The following KCNIP4 variants were observed in gnomAD, a reference collection of about 807,000 sequenced individuals.
KCNIP4 encodes potassium voltage-gated channel interacting protein 4, also known as Kv channel-interacting protein 4.
KCNIP4 carries 12 observed loss-of-function variants against 34.0 expected under a neutral mutation model. That is an observed-to-expected ratio of 0.35 (90% CI 0.23 to 0.57). KCNIP4 has a LOEUF of 0.57. Among genes scored for constraint, KCNIP4 ranks in the 20% least tolerant of loss-of-function variants. KCNIP4 has a pLI of 0.83. For synonymous variants in KCNIP4, 124 were observed against 102.2 expected, an observed-to-expected ratio of 1.21 and a Z score of -1.29; for missense variants, 238 against 311.7, an observed-to-expected ratio of 0.76 and a Z score of 1.78.
chr4:21,289,741 T>G (rs1763324714), intron 1 of KCNIP4, among the ~76,000 whole-genome samples: 1 of 152,168 alleles, frequency 6.6e-6, no homozygotes, highest in African/African-American at 2.4e-5. Context: ...ATTAAATAAT[T>G]CTTACCTAGG....
chr4:20,802,529 C>G (rs1714461760), intron 3 of KCNIP4, among the ~76,000 whole-genome samples: 1 of 152,042 alleles, frequency 6.6e-6, no homozygotes, highest in Non-Finnish European at 1.5e-5. Context: ...ACAAAACTGT[C>G]CATCTAATAG....
At chr4:20,977,043 G>A (rs1735560166) in intron 1 of KCNIP4, among the ~76,000 whole-genome samples, 1 of 152,040 alleles carries the variant, frequency 6.6e-6, no homozygotes, top group African/African-American at 2.4e-5. Context: ...ATGTTGGTCA[G>A]GCTGGTCTCA....
At chr4:21,127,967 T>C (rs1750755135) in intron 1 of KCNIP4, among the ~76,000 whole-genome samples, 1 of 152,258 alleles carries the variant, frequency 6.6e-6, no homozygotes, top group African/African-American at 2.4e-5. Context: ...GAAGACATGC[T>C]AAAGCAGAAG....
chr4:21,413,104 C>T (rs1370215363), intron 1 of KCNIP4, among the ~76,000 whole-genome samples: 1 of 152,174 alleles, frequency 6.6e-6, no homozygotes, highest in Non-Finnish European at 1.5e-5. Context: ...ACAGAATTGG[C>T]AGGGGCCTCA....
chr4:21,261,942 T>A (rs1383857994), intron 1 of KCNIP4, among the ~76,000 whole-genome samples: 2 of 152,178 alleles, frequency 1.3e-5, no homozygotes, highest in African/African-American at 4.8e-5. Context: ...ATGCCTGAAA[T>A]TTTCAAATAG....
intron 5 of KCNIP4, among the ~76,000 whole-genome samples, chr4:20,737,105 A>G (rs958885376): frequency 6.6e-6 from 1 of 152,172 alleles, no homozygotes; most frequent in Non-Finnish European, 1.5e-5. Context: ...CACCATACTT[A>G]GTTTGCTTCC....
chr4:21,441,445 G>A (rs562711615), intron 1 of KCNIP4, among the ~76,000 whole-genome samples: 50 of 151,922 alleles, frequency 3.3e-4, no homozygotes, highest in African/African-American at 1.0e-3. Context: ...GCCCGGCCAC[G>A]ACACCTTTCT....
intron 1 of KCNIP4, among the ~76,000 whole-genome samples, chr4:20,914,809 C>T (rs543958439): frequency 3.9e-5 from 6 of 152,232 alleles, no homozygotes; most frequent in Non-Finnish European, 8.8e-5. Context: ...ACCAACGATC[C>T]GAACCCTAAT....
intron 1 of KCNIP4, among the ~76,000 whole-genome samples, chr4:20,954,020 C>T (rs959704104): frequency 1.3e-5 from 2 of 152,078 alleles, no homozygotes; most frequent in African/African-American, 4.8e-5. Flanking sequence ...ATAAAGGCAT[C>T]GTGCAAGAAT....
chr4:20,790,850 T>C (rs926476406), intron 3 of KCNIP4, among the ~76,000 whole-genome samples: 8 of 152,142 alleles, frequency 5.3e-5, no homozygotes, highest in African/African-American at 1.9e-4. Context: ...TAGGCAGAAT[T>C]TTCCAAGTGC....
At chr4:21,931,112 T>C (rs970813842) in intron 1 of KCNIP4, among the ~76,000 whole-genome samples, 1 of 152,130 alleles carries the variant, frequency 6.6e-6, no homozygotes, top group African/African-American at 2.4e-5. Context: ...TAACTAATCT[T>C]ACTGTGGTAG....
chr4:21,754,049 G>A (rs945387784), intron 1 of KCNIP4, among the ~76,000 whole-genome samples: 1 of 152,146 alleles, frequency 6.6e-6, no homozygotes, highest in Non-Finnish European at 1.5e-5. Flanking sequence ...GCCCTCCTTA[G>A]GGAGCTCGAA....
At chr4:21,223,492 C>A (rs73249509) in intron 1 of KCNIP4, among the ~76,000 whole-genome samples, 1 of 152,134 alleles carries the variant, frequency 6.6e-6, no homozygotes, top group South Asian at 2.1e-4. Context: ...GCATATGAAT[C>A]GTCTCAGCAG....
At chr4:21,676,563 C>T (rs1349823286) in intron 1 of KCNIP4, among the ~76,000 whole-genome samples, 1 of 152,158 alleles carries the variant, frequency 6.6e-6, no homozygotes. Flanking sequence ...GATTCTGTCA[C>T]CAGAAATATA....
intron 1 of KCNIP4, among the ~76,000 whole-genome samples, chr4:21,814,716 A>G (rs1450395511): frequency 6.6e-6 from 1 of 152,186 alleles, no homozygotes; most frequent in Non-Finnish European, 1.5e-5. Context: ...TACACCTCTA[A>G]GGAAAGGAGG....
chr4:21,180,684 T>C (rs1754775273), intron 1 of KCNIP4, among the ~76,000 whole-genome samples: 1 of 150,956 alleles, frequency 6.6e-6, no homozygotes, highest in Non-Finnish European at 1.5e-5. Context: ...TGTATTTGTG[T>C]GTATATATAA....
chr4:21,449,478 T>C (rs1485525255), intron 1 of KCNIP4, among the ~76,000 whole-genome samples: 1 of 152,072 alleles, frequency 6.6e-6, no homozygotes, highest in African/African-American at 2.4e-5. Flanking sequence ...TGTAGTAATT[T>C]GTTATAGCAG....
At chr4:20,963,585 C>T (rs924769487) in intron 1 of KCNIP4, among the ~76,000 whole-genome samples, 2 of 151,974 alleles carry the variant, frequency 1.3e-5, no homozygotes, top group Non-Finnish European at 2.9e-5. Flanking sequence ...GCATGTTTCT[C>T]ACATTCAAGA....
chr4:20,825,997 CTT>C (rs79344573), intron 3 of KCNIP4, among the ~76,000 whole-genome samples: 5 of 143,556 alleles, frequency 3.5e-5, no homozygotes, highest in East Asian at 2.0e-4. Flanking sequence ...AAATAGCAGA[CTT>C]TTTTTTTTTT....
Sources: allele counts gnomAD v4.1 joint callset (sites outside exome capture counted in the v4.1 genomes callset), GRCh38; gene constraint gnomAD v4.1.1; transcripts MANE v1.5; gene names NCBI Gene and HGNC (gene_info 2026-07-23, HGNC 2026-07-21).